Variants in CADM2 observed in about 807,000 individuals in gnomAD.
The protein encoded by CADM2 is cell adhesion molecule 2.
In CADM2, 12 loss-of-function variants were observed where a neutral mutation model predicts 49.8. The observed-to-expected ratio is 0.24, with a 90% confidence interval of 0.15 to 0.39. The LOEUF is 0.39. Ranked by LOEUF, CADM2 falls within the 10% of genes least tolerant of loss-of-function variation. CADM2 has a pLI of 1.00. For missense variants in CADM2, 378 were observed against 492.3 expected (o/e 0.77, Z 2.20); for synonymous variants, 214 against 175.4 (o/e 1.22, Z -1.74).
chr3:85,245,019 G>A (rs1406197825), intron 1 of CADM2, among the ~76,000 whole-genome samples: 5 of 152,068 alleles, frequency 3.3e-5, no homozygotes, highest in African/African-American at 9.7e-5. Flanking sequence ...TCACGTAATA[G>A]TCATTTCAAC....
At chr3:85,652,376 C>T (rs531983510) in intron 1 of CADM2, among the ~76,000 whole-genome samples, 23 of 152,158 alleles carry the variant, frequency 1.5e-4, no homozygotes, top group Non-Finnish European at 2.9e-4. Flanking sequence ...ATATGATATC[C>T]GTTTATTTGG....
At chr3:85,761,113 G>C (rs927570770) in intron 2 of CADM2, among the ~76,000 whole-genome samples, 3 of 152,056 alleles carry the variant, frequency 2.0e-5, no homozygotes, top group East Asian at 1.9e-4. Context: ...AAACACTCCT[G>C]AACACCACTA....
intron 1 of CADM2, among the ~76,000 whole-genome samples, chr3:85,489,575 G>A (rs544158187): frequency 3.9e-5 from 6 of 152,022 alleles, no homozygotes; most frequent in African/African-American, 1.4e-4. Context: ...AGTGGGTGCA[G>A]CGCACCAGAA....
chr3:85,020,394 A>G (rs2034445455), intron 1 of CADM2, among the ~76,000 whole-genome samples: 1 of 152,318 alleles, frequency 6.6e-6, no homozygotes, highest in Admixed American at 6.5e-5. Flanking sequence ...AAAAATTATG[A>G]TAGGTACCCA....
intron 8 of CADM2, among the ~76,000 whole-genome samples, chr3:85,974,216 T>G (rs1461005062): frequency 2.0e-5 from 3 of 151,472 alleles, no homozygotes; most frequent in Non-Finnish European, 4.4e-5. Context: ...CCATATGAGA[T>G]CCTATTTGAA....
At chr3:85,121,351 C>T (rs1207305623) in intron 1 of CADM2, among the ~76,000 whole-genome samples, 1 of 152,082 alleles carries the variant, frequency 6.6e-6, no homozygotes, top group African/African-American at 2.4e-5. Flanking sequence ...GTGGGAAAAA[C>T]AGGAAAGGAA....
chr3:85,157,294 C>T (rs2040160863), intron 1 of CADM2, among the ~76,000 whole-genome samples: 2 of 150,902 alleles, frequency 1.3e-5, no homozygotes, highest in East Asian at 1.9e-4. Context: ...AATGCCATCC[C>T]CATCAAGCTA....
chr3:85,908,568 A>G (rs1199232855), intron 5 of CADM2, among the ~76,000 whole-genome samples: 1 of 152,062 alleles, frequency 6.6e-6, no homozygotes, highest in Non-Finnish European at 1.5e-5. Context: ...ATTTTATTAT[A>G]GAAAATTTCT....
chr3:85,156,287 G>A (rs1012626235), intron 1 of CADM2, among the ~76,000 whole-genome samples: 1 of 151,694 alleles, frequency 6.6e-6, no homozygotes, highest in African/African-American at 2.4e-5. Flanking sequence ...ACTGATAAAG[G>A]GGATATCACC....
chr3:85,337,961 T>G (rs1427003909), intron 1 of CADM2, among the ~76,000 whole-genome samples: 1 of 151,698 alleles, frequency 6.6e-6, no homozygotes, highest in Non-Finnish European at 1.5e-5. Context: ...ACATTTACAG[T>G]GTTTGAAACA....
At chr3:85,046,925 G>A (rs2035689312) in intron 1 of CADM2, among the ~76,000 whole-genome samples, 1 of 151,354 alleles carries the variant, frequency 6.6e-6, no homozygotes, top group Non-Finnish European at 1.5e-5. Flanking sequence ...AATTTTTTAT[G>A]ACTCCAGAAA....
intron 1 of CADM2, among the ~76,000 whole-genome samples, chr3:85,206,761 TG>T (rs139412161): frequency 0.03 from 4,599 of 152,128 alleles, 216 homozygotes; most frequent in African/African-American, 0.1. Context: ...TATATCTACT[TG>T]GATAATAAAC....
chr3:85,740,703 C>T (rs899430700), intron 2 of CADM2, among the ~76,000 whole-genome samples: 5 of 152,214 alleles, frequency 3.3e-5, no homozygotes, highest in Non-Finnish European at 5.9e-5. Context: ...TTTCAAGTCC[C>T]GAAACATCAG....
At chr3:85,920,674 A>G (rs767005405) in intron 6 of CADM2, among the ~76,000 whole-genome samples, 1 of 151,710 alleles carries the variant, frequency 6.6e-6, no homozygotes, top group Non-Finnish European at 1.5e-5. Flanking sequence ...ATATAAGAAT[A>G]TTTATGTTAA....
chr3:85,032,990 T>C (rs1466417042), intron 1 of CADM2, among the ~76,000 whole-genome samples: 2 of 152,120 alleles, frequency 1.3e-5, no homozygotes, highest in Non-Finnish European at 2.9e-5. Context: ...TATCTTTTTT[T>C]AGTTATCATT....
In CADM2 at chr3:85,926,947, A is replaced by C. The variant is rs569476495; in HGVS notation, c.701-8820A>C. On this transcript the variant is annotated intron_variant, in intron 6 of 9. Transcript: ENST00000383699. Reference sequence around the variant, plus strand: ...AGTCTAAAAGAGACTAGAAAACACAAACTCATTGAAATGTGATTAAGATTG... The same window carrying C: ...AGTCTAAAAGAGACTAGAAAACACACACTCATTGAAATGTGATTAAGATTG... Among the ~76,000 whole-genome samples the C allele has an allele frequency of 2.0e-5, 3 of 152,270 alleles. No homozygotes were observed. In the South Asian group the frequency reaches 6.2e-4, roughly 32 times the overall value.
chr3:86,020,751 A>C (rs1313471808), intron 8 of CADM2, among the ~76,000 whole-genome samples: 1 of 152,220 alleles, frequency 6.6e-6, no homozygotes, highest in Non-Finnish European at 1.5e-5. Context: ...TGATTATTTC[A>C]ATAGATGCAG....
intron 1 of CADM2, among the ~76,000 whole-genome samples, chr3:85,624,038 A>T (rs1007422224): frequency 6.6e-6 from 1 of 152,138 alleles, no homozygotes; most frequent in African/African-American, 2.4e-5. Context: ...CAAATACTTT[A>T]AAATAAAATA....
intron 1 of CADM2, among the ~76,000 whole-genome samples, chr3:85,641,872 A>C (rs192710895): frequency 6.6e-6 from 1 of 152,180 alleles, no homozygotes; most frequent in African/African-American, 2.4e-5. Flanking sequence ...CAGAGCTTGC[A>C]GTGAGCCGAG....
Sources: allele counts gnomAD v4.1 joint callset (sites outside exome capture counted in the v4.1 genomes callset), GRCh38; gene constraint gnomAD v4.1.1; transcripts MANE v1.5; gene names NCBI Gene and HGNC (gene_info 2026-07-23, HGNC 2026-07-21).